The following VPS53 variants were observed in gnomAD, a reference collection of about 807,000 sequenced individuals.
VPS53 encodes VPS53 subunit of GARP complex.
A neutral mutation model predicts 107.0 loss-of-function variants in VPS53; 70 were observed. The ratio of observed to expected loss-of-function variants is 0.65; its 90% confidence interval spans 0.54 to 0.80. The LOEUF (loss-of-function observed/expected upper bound fraction) is 0.80. Ranked by LOEUF, VPS53 falls within the 30% of genes least tolerant of loss-of-function variation. The probability of loss-of-function intolerance (pLI) is 0.00; values close to 1 mark genes in which losing one functional copy is unlikely to be tolerated. For missense variants in VPS53, 917 were observed against 1,049.4 expected (o/e 0.87, Z 1.74); for synonymous variants, 409 against 393.3 (o/e 1.04, Z -0.47).
chr17:697,328 C>T, intron 4 of VPS53, 90 bp downstream of exon 4: 1 of 1,086,810 alleles, frequency 9.2e-7, no homozygotes, highest in South Asian at 1.3e-5. Context: ...TCGGAAAGTG[C>T]TCTGCAAGAG....
intron 4 of VPS53, among the ~76,000 whole-genome samples, chr17:684,421 G>A (rs1597484492): frequency 6.6e-6 from 1 of 151,894 alleles, no homozygotes; most frequent in Non-Finnish European, 1.5e-5. Flanking sequence ...AGAGACAACT[G>A]GAAATTTAAA....
chr17:522,948 G>A (rs1378705189), intron 19 of VPS53: 5 of 152,190 alleles, frequency 3.3e-5, no homozygotes, highest in Non-Finnish European at 2.9e-5. Flanking sequence ...TGCAACGGAC[G>A]GGGTTAGACA....
intron 15 of VPS53, among the ~76,000 whole-genome samples, chr17:560,006 A>G (rs1912786116): frequency 6.6e-6 from 1 of 152,248 alleles, no homozygotes; most frequent in Admixed American, 6.5e-5. Flanking sequence ...GAAGACACAT[A>G]AAAGCCCAAA....
chr17:687,596 C>T (rs1258266561), intron 4 of VPS53, among the ~76,000 whole-genome samples: 13 of 149,766 alleles, frequency 8.7e-5, no homozygotes, highest in African/African-American at 2.5e-4. Flanking sequence ...AAAAAAGATG[C>T]GCATGGTGGC....
At chr17:624,025 T>C (rs1329570137) in intron 10 of VPS53, among the ~76,000 whole-genome samples, 1 of 151,998 alleles carries the variant, frequency 6.6e-6, no homozygotes, top group Non-Finnish European at 1.5e-5. Context: ...TTCTTTTTTT[T>C]TTTTGTATTT....
chr17:630,299 AC>A (rs1969899865), intron 8 of VPS53, among the ~76,000 whole-genome samples: 2 of 149,636 alleles, frequency 1.3e-5, no homozygotes, highest in African/African-American at 5.1e-5. Flanking sequence ...CAAAAAAAAA[AC>A]AAACAAACAA....
At chr17:541,357 T>A (rs1910625404) in intron 17 of VPS53, among the ~76,000 whole-genome samples, 1 of 151,802 alleles carries the variant, frequency 6.6e-6, no homozygotes, top group African/African-American at 2.4e-5. Context: ...TTGTCAAGCA[T>A]CTACCATGCA....
At chr17:558,839 A>C (rs1328497798) in intron 15 of VPS53, among the ~76,000 whole-genome samples, 1 of 144,584 alleles carries the variant, frequency 6.9e-6, no homozygotes, top group Non-Finnish European at 1.5e-5. Flanking sequence ...AAAAAAAAAT[A>C]CAAAAATTAG....
At chr17:682,793 T>C (rs1007041041) in intron 4 of VPS53, among the ~76,000 whole-genome samples, 2 of 151,920 alleles carry the variant, frequency 1.3e-5, no homozygotes, top group African/African-American at 4.8e-5. Flanking sequence ...GCACCCATTG[T>C]TAAGAGACAA....
intron 4 of VPS53, among the ~76,000 whole-genome samples, chr17:692,314 G>C (rs549971649): frequency 6.6e-6 from 1 of 152,046 alleles, no homozygotes; most frequent in African/African-American, 2.4e-5. Flanking sequence ...CATCCACAAA[G>C]TTTTAAACGT....
chr17:572,911 T>C (rs1286173779), intron 13 of VPS53, among the ~76,000 whole-genome samples: 2 of 151,682 alleles, frequency 1.3e-5, no homozygotes, highest in Non-Finnish European at 2.9e-5. Flanking sequence ...CAGGGTCCTC[T>C]GCCTAGGAAA....
chr17:701,622 C>G (rs1973207080), intron 2 of VPS53, among the ~76,000 whole-genome samples: 1 of 152,196 alleles, frequency 6.6e-6, no homozygotes, highest in Admixed American at 6.5e-5. Context: ...GTGATCTGCC[C>G]GCCTTGGCCT....
intron 7 of VPS53, among the ~76,000 whole-genome samples, chr17:651,544 T>A (rs1240827518): frequency 6.6e-6 from 1 of 152,106 alleles, no homozygotes; most frequent in African/African-American, 2.4e-5. Flanking sequence ...TGAGCAGTAA[T>A]TCTGCCACTA....
chr17:673,117 A>C (rs1567728924), intron 4 of VPS53, among the ~76,000 whole-genome samples: 1 of 149,356 alleles, frequency 6.7e-6, no homozygotes, highest in African/African-American at 2.4e-5. Flanking sequence ...GTCGCAAAAA[A>C]AAAACAAAAA....
At chr17:670,922 T>C (rs1971909076) in intron 4 of VPS53, among the ~76,000 whole-genome samples, 2 of 152,204 alleles carry the variant, frequency 1.3e-5, no homozygotes, top group Admixed American at 6.5e-5. Context: ...GGTTCCCTTT[T>C]CTATTATATG....
intron 8 of VPS53, 149 bp downstream of exon 8, chr17:631,401 G>C: frequency 1.4e-6 from 1 of 721,938 alleles, no homozygotes; most frequent in Non-Finnish European, 2.4e-6. Context: ...TAAAATCCAG[G>C]GTGGTCTCAT....
chr17:633,182 A>G (rs1478530687), intron 7 of VPS53, among the ~76,000 whole-genome samples: 1 of 152,130 alleles, frequency 6.6e-6, no homozygotes, highest in African/African-American at 2.4e-5. Context: ...ACGCCCCGCA[A>G]TGGATCAGGC....
chr17:672,175 A>ACCTCTCTCTCTCTC (rs1971987159), intron 4 of VPS53, among the ~76,000 whole-genome samples: 1 of 107,068 alleles, frequency 9.3e-6, no homozygotes, highest in Non-Finnish European at 1.9e-5. Flanking sequence ...CACAATCTCA[A>ACCTCTCTCTCTCTC]TCTCTCTCTC....
intron 4 of VPS53, among the ~76,000 whole-genome samples, chr17:686,407 C>T (rs1972587355): frequency 6.6e-6 from 1 of 152,088 alleles, no homozygotes; most frequent in Admixed American, 6.6e-5. Flanking sequence ...AAAAACAATA[C>T]AAATAATAAA....
Sources: gnomAD v4.1 joint callset for allele counts (sites outside exome capture counted in the v4.1 genomes callset) on GRCh38, gnomAD v4.1.1 for gene constraint, MANE v1.5 for transcripts, NCBI Gene and HGNC (gene_info 2026-07-23, HGNC 2026-07-21) for gene names.